AP5Z1: variants seen among roughly 807,000 people sequenced by gnomAD.
AP5Z1 encodes the protein adaptor related protein complex 5 subunit zeta 1, also known as AP-5 complex subunit zeta-1.
AP5Z1 carries 106 observed loss-of-function variants against 83.0 expected under a neutral mutation model. The observed-to-expected ratio is 1.28, with a 90% confidence interval of 1.09 to 1.50. The LOEUF is 1.50. AP5Z1 is among the 40% of genes most tolerant of loss of function. The pLI, the probability that AP5Z1 is intolerant of heterozygous loss-of-function variation, is 0.00. For missense variants in AP5Z1, 1,565 were observed against 1,094.2 expected, an observed-to-expected ratio of 1.43 and a Z score of -6.07; for synonymous variants, 751 against 514.1, an observed-to-expected ratio of 1.46 and a Z score of -6.23.
intron 13 of AP5Z1, 168 bp downstream of exon 13, chr7:4,789,119 G>C: frequency 1.6e-6 from 1 of 608,618 alleles, no homozygotes; most frequent in African/African-American, 1.9e-5. Flanking sequence ...AGCCCCGGCA[G>C]GCCCCGTCCC....
intron 9 of AP5Z1, among the ~76,000 whole-genome samples, 156 bp downstream of exon 9, chr7:4,785,840 C>G (rs1228530213): frequency 6.6e-6 from 1 of 150,630 alleles, no homozygotes; most frequent in Non-Finnish European, 1.5e-5. Context: ...CTCGTGGCCT[C>G]AAGCGATCCT....
rs763660409 is a variant in AP5Z1 at position 4,787,789 on chromosome 7, C to G, written c.1454+13C>G. ...ACCTGCAGCTCAGGTGGGCCCCTCA[C>G]CCTCTGCCAGCGCTGCGTCTCCCAG... On this transcript the variant is annotated intron_variant, in intron 11 of 16. Transcript: ENST00000649063. The G allele has an allele frequency of 6.6e-7, 1 of 1,522,158 alleles. No homozygotes were observed. The highest frequency in any genetic ancestry group is 2.5e-5 in the East Asian group (1 of 40,600). The allele number at this position is 1,522,158 out of a possible 1,614,324, so 94.3% of individuals were successfully genotyped here.
Position 4,791,302 on chromosome 7 carries a change from C to A in AP5Z1, c.2341C>A (p.Arg781Ser). Residue 781 changes from arginine (R) to serine (S), a missense_variant, in exon 17 of 17, where the codon CGC becomes AGC. Arg to Ser is a moderately radical substitution (Grantham distance 110, BLOSUM62 -1). Coordinates refer to ENST00000649063, the MANE Select transcript of AP5Z1 (RefSeq NM_014855.3). ...STEVCSPRYH[R>S]DANTALPLAL... is the part of the protein sequence containing the mutation. Reference sequence around the variant, plus strand: ...GGAGGTGTGCAGCCCCCGCTATCACCGCGATGCCAACACGGCCCTGCCCCT... The same window carrying A: ...GGAGGTGTGCAGCCCCCGCTATCACAGCGATGCCAACACGGCCCTGCCCCT... 1 of 1,612,350 alleles carries A rather than the reference C, an allele frequency of 6.2e-7. No homozygotes were observed. The highest frequency in any genetic ancestry group is 8.5e-7 in the Non-Finnish European group (1 of 1,179,770).
Position 4,788,746 on chromosome 7 carries a change from C to T in AP5Z1, c.1596-94C>T, listed in dbSNP as rs930386015. On this transcript the variant is annotated intron_variant, in intron 12 of 16. Transcript: ENST00000649063. ...CGATGAGTGAGGATGGGAGCGGGCT[C>T]AGCTGTGCGAGAGGGAGCAGTGGCG... is the stretch of plus-strand genomic sequence containing the variant. The T allele has an allele frequency of 1.5e-5, 17 of 1,132,414 alleles. No individual in the cohort carries two copies. The East Asian group carries it at 2.1e-4, about 14-fold the overall frequency. 70.1% of individuals were successfully genotyped at this position (1,132,414 alleles called of 1,614,324 possible).
Position 4,791,350 on chromosome 7 carries a change from C to G in AP5Z1, c.2389C>G (p.Leu797Val), listed in dbSNP as rs1781766788. 4 of 1,608,728 alleles carry G rather than the reference C, an allele frequency of 2.5e-6. No homozygotes were observed. The highest frequency in any genetic ancestry group is 1.3e-5 in the African/African-American group (1 of 74,868). Residue 797 changes from leucine (L) to valine (V), a missense_variant, in exon 17 of 17, where the codon CTG becomes GTG. Leu to Val is a conservative substitution (Grantham distance 32, BLOSUM62 1). Transcript: ENST00000649063. The part of the protein sequence containing the change: ...LPLALRTVSR[L>V]VEREAGLMPG Reference sequence around the variant, plus strand: ...CCTGGCCCTGCGCACGGTCAGCCGGCTGGTGGAGAGGGAGGCCGGCCTCAT... The same window carrying G: ...CCTGGCCCTGCGCACGGTCAGCCGGGTGGTGGAGAGGGAGGCCGGCCTCAT...
At position 4,787,640 on chromosome 7, in the gene AP5Z1, G is replaced by T. The variant is rs774430617; in HGVS notation, c.1318G>T (p.Ala440Ser). ...CGCTGTGCTGTGCCCACAGTTCCTGGCCTGGAACAGCCCACCCCTCACCTC... is the reference window on the plus strand; with the variant it reads ...CGCTGTGCTGTGCCCACAGTTCCTGTCCTGGAACAGCCCACCCCTCACCTC... Reference protein sequence around the residue: ...LSFPNLFKFLAWNSPPLTSEF... With the variant: ...LSFPNLFKFLSWNSPPLTSEF... The change falls in exon 11 of 17, where the codon GCC becomes TCC. Residue 440 changes from alanine to serine, a missense_variant. Ala to Ser is a moderately conservative substitution (Grantham distance 99, BLOSUM62 1). Coordinates refer to ENST00000649063, the MANE Select transcript of AP5Z1 (RefSeq NM_014855.3). 6.4e-7 allele frequency: 1 copy of T among 1,551,960 alleles called. No individual in the cohort carries two copies.
In AP5Z1 at chr7:4,785,547, T is replaced by A; in HGVS notation, c.995T>A (p.Leu332Gln). Reference sequence around the variant, plus strand: ...TGCCTGGTGGAGGCCGTGCTGGTGCTGGACGTGCTGTGCCGGCAGGACCCG... The same window carrying A: ...TGCCTGGTGGAGGCCGTGCTGGTGCAGGACGTGCTGTGCCGGCAGGACCCG... ...KACLVEAVLVLDVLCRQDPSF... is the reference protein window; with the variant it reads ...KACLVEAVLVQDVLCRQDPSF... Residue 332 changes from leucine to glutamine, a missense_variant, in exon 9 of 17, where the codon CTG becomes CAG. Leu to Gln is a moderately radical substitution (Grantham distance 113). Coordinates refer to ENST00000649063, the MANE Select transcript of AP5Z1 (RefSeq NM_014855.3). The A allele has an allele frequency of 6.2e-7, 1 of 1,612,604 alleles. No homozygotes were observed. Among genetic ancestry groups the A allele is most frequent in the South Asian group, 1.1e-5 (1 of 90,878 alleles).
Position 4,788,160 on chromosome 7 carries a change from A to C in AP5Z1, c.1461A>C (p.Ala487=). ...TGGGCGTCTGTCCACGCAGGTCAGC[A>C]CCGGCTGCATCCGAGAGGCCACTCT... ...TAVLDLQLRS[A]PAASERPLWD... is the part of the protein sequence containing the mutation. The change falls in exon 12 of 17, where the codon GCA becomes GCC. Residue 487 remains alanine, a synonymous_variant. Transcript: ENST00000649063. 1 of 1,551,772 alleles carries C rather than the reference A, an allele frequency of 6.4e-7. No individual in the cohort carries two copies. Among genetic ancestry groups the C allele is most frequent in the Non-Finnish European group, 8.7e-7 (1 of 1,148,484 alleles).
chr7:4,780,715 G>A (rs142674175), intron 1 of AP5Z1, among the ~76,000 whole-genome samples: 2,426 of 152,240 alleles, frequency 0.016, 33 homozygotes, highest in Middle Eastern at 0.051. Context: ...GCAGTGAGCC[G>A]AGATCATGAC....
At chr7:4,778,032 A>G (rs1018165675) in intron 1 of AP5Z1, among the ~76,000 whole-genome samples, 2 of 152,208 alleles carry the variant, frequency 1.3e-5, no homozygotes, top group Admixed American at 6.5e-5. Flanking sequence ...CAGCCTGGAC[A>G]ACATAGCGAG....
In AP5Z1 at chr7:4,788,180, C is replaced by T. The variant is rs1583237181; in HGVS notation, c.1481C>T (p.Pro494Leu). The T allele has an allele frequency of 6.4e-7, 1 of 1,557,330 alleles. No individual in the cohort carries two copies. The highest frequency in any genetic ancestry group is 8.7e-7 in the Non-Finnish European group (1 of 1,151,610). The change falls in exon 12 of 17, where the codon CCA (proline) becomes CTA (leucine). Residue 494 changes from proline (P) to leucine (L), a missense_variant. Physicochemically the swap from Pro to Leu is moderately conservative, Grantham distance 98. Transcript: ENST00000649063. Reference protein sequence around the residue: ...LRSAPAASERPLWDTSLRAPS... With the variant: ...LRSAPAASERLLWDTSLRAPS... ...TCAGCACCGGCTGCATCCGAGAGGC[C>T]ACTCTGGGACACCTCTCTCAGGGCC...
rs1781820872 is a variant in AP5Z1, at chr7:4,792,631, G to A, written c.*1246G>A. ...GCCTGGGCCTTGGGTCGCGTTCCGA[G>A]CTCCAGGACGGCTGGTGTCCCCCGC... On this transcript the variant is annotated 3_prime_UTR_variant, in exon 17 of 17. Transcript: ENST00000649063. 6.6e-6 allele frequency: 1 copy of A among 152,208 alleles called. No individual in the cohort carries two copies. The highest frequency in any genetic ancestry group is 2.1e-4 in the South Asian group (1 of 4,834). The allele number at this position is 152,208 out of a possible 1,614,324, so 9.4% of individuals were successfully genotyped here. A position where few individuals can be genotyped will look rare whatever the true frequency, so the allele number is the denominator to read the frequency against.
In AP5Z1 at chr7:4,791,191, G is replaced by A. The variant is rs183580097; in HGVS notation, c.2230G>A (p.Ala744Thr). Residue 744 changes from alanine (A) to threonine (T), a missense_variant, in exon 17 of 17, where the codon GCG (alanine) becomes ACG (threonine). Physicochemically the swap from Ala to Thr is moderately conservative, Grantham distance 58. Coordinates refer to ENST00000649063, the MANE Select transcript of AP5Z1 (RefSeq NM_014855.3). ...CAGCTCCACGCACAGCGAGGAGGGC[G>A]CGGAAGCCATCCGTACCCGGGCCAC... Reference protein sequence around the residue: ...ATSSTHSEEGAEAIRTRATEL... With the variant: ...ATSSTHSEEGTEAIRTRATEL... The A allele has an allele frequency of 1.6e-3, 2,606 of 1,612,568 alleles. 35 individuals are homozygous for A. In the African/African-American group the frequency reaches 0.019, roughly 12 times the overall value.
rs570299681 is a variant in AP5Z1, at chr7:4,782,426, C to T, written c.366+672C>T. On this transcript the variant is annotated intron_variant, in intron 3 of 16. Transcript: ENST00000649063. ...GCCTTTGTGTGAGAGAAGCTGCTAT[C>T]TCTGCTCATGGGTTGCCCAGGGGTG... is the stretch of plus-strand genomic sequence containing the variant. Among the ~76,000 whole-genome samples, 4 of 152,290 alleles carry T rather than the reference C, an allele frequency of 2.6e-5. No homozygotes were observed. The East Asian group carries it at 7.7e-4, about 29-fold the overall frequency.
intron 13 of AP5Z1, among the ~76,000 whole-genome samples, 163 bp from the exon 14 acceptor site, chr7:4,789,669 A>G (rs968583596): frequency 1.6e-4 from 24 of 152,174 alleles, no homozygotes; most frequent in African/African-American, 5.5e-4. Context: ...CTGTGCCCGG[A>G]TGCTGCCAGC....
At position 4,792,127 on chromosome 7, in the gene AP5Z1, G is replaced by C. The variant is rs531980213; in HGVS notation, c.*742G>C. 2.6e-5 allele frequency: 4 copies of C among 152,394 alleles called. No individual in the cohort carries two copies. In the South Asian group the frequency reaches 6.2e-4, roughly 24 times the overall value. The allele number at this position is 152,394 out of a possible 1,614,324, so 9.4% of individuals were successfully genotyped here. On this transcript the variant is annotated 3_prime_UTR_variant, in exon 17 of 17. Coordinates refer to ENST00000649063, the MANE Select transcript of AP5Z1 (RefSeq NM_014855.3). Reference sequence around the variant, plus strand: ...CTCAGAACACTGGATTCGCGCGAAGGGGAGGTGTCTGGGCGTGCGGCCCCA... The same window carrying C: ...CTCAGAACACTGGATTCGCGCGAAGCGGAGGTGTCTGGGCGTGCGGCCCCA...
At position 4,790,465 on chromosome 7, in the gene AP5Z1, G is replaced by A. The variant is rs1405485325; in HGVS notation, c.1812G>A (p.Leu604=). Reference sequence around the variant, plus strand: ...GACCCGGCTTTCTGGGCAGTGTGCTGAGTTCTCAGTTCCTGGCCCTGTGTA... The same window carrying A: ...GACCCGGCTTTCTGGGCAGTGTGCTAAGTTCTCAGTTCCTGGCCCTGTGTA... The part of the protein sequence containing the change: ...PGYAAGVHSV[L]SSQFLALCTL... The change falls in exon 15 of 17, where the codon CTG becomes CTA. Residue 604 remains leucine (L), a synonymous_variant. Transcript: ENST00000649063. 1 of 1,613,156 alleles carries A rather than the reference G, an allele frequency of 6.2e-7. No individual in the cohort carries two copies. The highest frequency in any genetic ancestry group is 2.2e-5 in the East Asian group (1 of 44,872).
At position 4,790,661 on chromosome 7, in the gene AP5Z1, C is replaced by T. The variant is rs757698407; in HGVS notation, c.1939-12C>T. ...GCCTGGGTGGGGGCTGAATCTCTGTCCCCGGGCCTAGGTGTGGGCCATCGG... is the reference window on the plus strand; with the variant it reads ...GCCTGGGTGGGGGCTGAATCTCTGTTCCCGGGCCTAGGTGTGGGCCATCGG... On this transcript the variant is annotated splice_polypyrimidine_tract_variant and intron_variant, in intron 15 of 16. Coordinates refer to ENST00000649063, the MANE Select transcript of AP5Z1 (RefSeq NM_014855.3). The T allele has an allele frequency of 3.7e-6, 6 of 1,612,118 alleles. No homozygotes were observed. In the South Asian group the frequency reaches 4.4e-5, roughly 12 times the overall value.
At position 4,793,150 on chromosome 7, in the gene AP5Z1, C is replaced by T. The variant is rs1281365832; in HGVS notation, c.*1765C>T. The T allele has an allele frequency of 6.6e-6, 1 of 152,338 alleles. No individual in the cohort carries two copies. The highest frequency in any genetic ancestry group is 1.5e-5 in the Non-Finnish European group (1 of 68,100). The allele number at this position is 152,338 out of a possible 1,614,324, so 9.4% of individuals were successfully genotyped here. ...CTCATCCAAGGGACAAGGAGGAGCT[C>T]ATGGCCACAGGGCCTCGGAGGGCAT... On this transcript the variant is annotated 3_prime_UTR_variant, in exon 17 of 17. Coordinates refer to ENST00000649063, the MANE Select transcript of AP5Z1 (RefSeq NM_014855.3).
Sources: gnomAD v4.1 joint callset for allele counts (sites outside exome capture counted in the v4.1 genomes callset) on GRCh38, gnomAD v4.1.1 for gene constraint, MANE v1.5 for transcripts, NCBI Gene and HGNC (gene_info 2026-07-23, HGNC 2026-07-21) for gene names.